Variants in CORIN observed in about 807,000 individuals in gnomAD.
CORIN encodes the protein corin, serine peptidase.
Under a neutral mutation model 125.3 loss-of-function variants are expected in CORIN, and 117 were observed. That is an observed-to-expected ratio of 0.93 (90% CI 0.80 to 1.09). CORIN has a LOEUF of 1.09. Among genes scored for constraint, CORIN ranks in the 50% least tolerant of loss-of-function variants. CORIN has a pLI of 0.00. For synonymous variants in CORIN, 450 were observed against 466.4 expected, an observed-to-expected ratio of 0.96 and a Z score of 0.45; for missense variants, 1,253 against 1,306.7, an observed-to-expected ratio of 0.96 and a Z score of 0.63.
chr4:47,696,109 C>T (rs1408903447), intron 5 of CORIN, among the ~76,000 whole-genome samples: 1 of 152,174 alleles, frequency 6.6e-6, no homozygotes, highest in Non-Finnish European at 1.5e-5. Flanking sequence ...TGAATTGGAT[C>T]CAGATGAGAT....
At chr4:47,696,654 T>C (rs1386752842) in intron 5 of CORIN, among the ~76,000 whole-genome samples, 1 of 152,184 alleles carries the variant, frequency 6.6e-6, no homozygotes, top group Admixed American at 6.5e-5. Context: ...GTCCAGATGA[T>C]GGGGACAATT....
chr4:47,700,096 GAAAATGGGCTTTTGTTGTCA>G (rs1400752440), intron 5 of CORIN, among the ~76,000 whole-genome samples: 1 of 152,140 alleles, frequency 6.6e-6, no homozygotes, highest in African/African-American at 2.4e-5. Context: ...AATTTTCTTT[GAAAATGGGCTTTTGTTGTCA>G]AAAACAAGTT....
At chr4:47,665,823 A>G (rs1453897625) in intron 10 of CORIN, among the ~76,000 whole-genome samples, 1 of 152,248 alleles carries the variant, frequency 6.6e-6, no homozygotes, top group Admixed American at 6.5e-5. Context: ...CTTAGCTTGA[A>G]GTCTGAGGCT....
At chr4:47,609,755 C>T (rs1721802081) in intron 19 of CORIN, among the ~76,000 whole-genome samples, 1 of 152,158 alleles carries the variant, frequency 6.6e-6, no homozygotes, top group Admixed American at 6.5e-5. Context: ...CTCTTCCTCA[C>T]CCACCCCTAC....
intron 4 of CORIN, among the ~76,000 whole-genome samples, chr4:47,746,697 G>A (rs1728682988): frequency 6.6e-6 from 1 of 152,024 alleles, no homozygotes; most frequent in African/African-American, 2.4e-5. Flanking sequence ...ACCTCGCCCG[G>A]CTAATTTTGT....
At chr4:47,654,777 C>T (rs1723890572) in intron 12 of CORIN, among the ~76,000 whole-genome samples, 1 of 152,136 alleles carries the variant, frequency 6.6e-6, no homozygotes, top group African/African-American at 2.4e-5. Flanking sequence ...AGTCCTGATG[C>T]TGTGCTGGGC....
Position 47,674,390 on chromosome 4 carries a change from T to TACTA in CORIN, c.1356_1357+2dup. ...TATTGCATTTGTCAGCTGTTGTACT[T>TACTA]ACTACAGTTATTCAGACTGTTGTTC... On this transcript the variant is annotated splice_region_variant and intron_variant, in intron 10 of 21. Transcript: ENST00000273857. 6.3e-7 allele frequency: 1 copy of TACTA among 1,593,258 alleles called. No homozygotes were observed. Among genetic ancestry groups the TACTA allele is most frequent in the Non-Finnish European group, 8.6e-7 (1 of 1,161,040 alleles).
intron 5 of CORIN, among the ~76,000 whole-genome samples, chr4:47,729,925 G>A (rs543569303): frequency 2.0e-5 from 3 of 152,212 alleles, no homozygotes; most frequent in East Asian, 3.9e-4. Context: ...TGGGTGCTCC[G>A]GCTCCAGGGA....
intron 1 of CORIN, among the ~76,000 whole-genome samples, chr4:47,815,851 T>C (rs1265831054): frequency 6.6e-6 from 1 of 152,184 alleles, no homozygotes; most frequent in Non-Finnish European, 1.5e-5. Context: ...ACTACATCTC[T>C]AAGAAAGCTA....
In CORIN at chr4:47,594,800, A is replaced by T. The variant is rs1225448634; in HGVS notation, c.*921T>A. The T allele has an allele frequency of 3.9e-5, 6 of 152,214 alleles. No individual in the cohort carries two copies. The highest frequency in any genetic ancestry group is 3.9e-4 in the Admixed American group (6 of 15,272). 9.4% of individuals were successfully genotyped at this position (152,214 alleles called of 1,614,324 possible). A position where few individuals can be genotyped will look rare whatever the true frequency, so the allele number is the denominator to read the frequency against. On this transcript the variant is annotated 3_prime_UTR_variant, in exon 22 of 22. Coordinates refer to ENST00000273857, the MANE Select transcript of CORIN (RefSeq NM_006587.4). The stretch of plus-strand genomic sequence containing the variant: ...TTCTTTGCCACATAAGTAAAACAAA[A>T]TATTGCCCATAAATATAGATGTAGT...
chr4:47,804,461 T>C (rs985500641), intron 2 of CORIN, among the ~76,000 whole-genome samples: 1 of 152,126 alleles, frequency 6.6e-6, no homozygotes, highest in Non-Finnish European at 1.5e-5. Context: ...AACCTAAATG[T>C]CCATCAACAG....
intron 19 of CORIN, among the ~76,000 whole-genome samples, chr4:47,604,457 C>G (rs1479279740): frequency 6.6e-6 from 1 of 152,192 alleles, no homozygotes; most frequent in East Asian, 1.9e-4. Flanking sequence ...CCCTGAGCTG[C>G]AGACTTAATG....
At chr4:47,612,109 A>G (rs1721891734) in intron 19 of CORIN, among the ~76,000 whole-genome samples, 1 of 152,134 alleles carries the variant, frequency 6.6e-6, no homozygotes, top group African/African-American at 2.4e-5. Flanking sequence ...CTCCTTTTCA[A>G]TTTTTTGGAA....
intron 4 of CORIN, among the ~76,000 whole-genome samples, chr4:47,760,392 T>G (rs1245074522): frequency 1.3e-5 from 2 of 152,228 alleles, no homozygotes; most frequent in Non-Finnish European, 2.9e-5. Context: ...CTGTCTTTTC[T>G]CCATTGCATG....
intron 10 of CORIN, 51 bp from the exon 11 acceptor site, chr4:47,665,314 A>T: frequency 7.3e-7 from 1 of 1,374,526 alleles, no homozygotes; most frequent in South Asian, 1.3e-5. Flanking sequence ...ATATAAAAAC[A>T]ACTTCTTTAA....
intron 9 of CORIN, among the ~76,000 whole-genome samples, chr4:47,676,654 G>A (rs1325765944): frequency 6.6e-6 from 1 of 152,074 alleles, no homozygotes; most frequent in African/African-American, 2.4e-5. Flanking sequence ...CATTTTTTGA[G>A]TTGAATCCAT....
chr4:47,741,469 ATTGT>A (rs1424014775), intron 5 of CORIN, among the ~76,000 whole-genome samples: 2 of 152,024 alleles, frequency 1.3e-5, no homozygotes, highest in African/African-American at 2.4e-5. Flanking sequence ...GCCCTCATAC[ATTGT>A]TTGTAGGAAT....
intron 4 of CORIN, among the ~76,000 whole-genome samples, chr4:47,745,488 A>G (rs1296775001): frequency 2.0e-5 from 3 of 152,242 alleles, no homozygotes; most frequent in Non-Finnish European, 4.4e-5. Context: ...AGAATCGTAC[A>G]ATATTAGATA....
chr4:47,785,928 A>T (rs1730776978), intron 3 of CORIN, among the ~76,000 whole-genome samples: 2 of 151,790 alleles, frequency 1.3e-5, no homozygotes, highest in African/African-American at 2.4e-5. Context: ...AAAAAAAAAA[A>T]AAGGTAAATA....
Sources: allele counts gnomAD v4.1 joint callset (sites outside exome capture counted in the v4.1 genomes callset), GRCh38; gene constraint gnomAD v4.1.1; transcripts MANE v1.5; gene names NCBI Gene and HGNC (gene_info 2026-07-23, HGNC 2026-07-21).